The following TNRC6A variants were observed in gnomAD, a reference collection of about 807,000 sequenced individuals.
TNRC6A encodes the protein trinucleotide repeat-containing gene 6A protein.
In TNRC6A, 44 loss-of-function variants were observed where a neutral mutation model predicts 221.2. The ratio of observed to expected loss-of-function variants is 0.20; its 90% CI spans 0.16 to 0.26. The LOEUF is 0.26. Among genes scored for constraint, TNRC6A ranks in the 10% least tolerant of loss-of-function variants. The pLI is 1.00. For missense variants in TNRC6A, 2,199 were observed against 2,404.4 expected (o/e 0.91, Z 1.79); for synonymous variants, 847 against 838.5 (o/e 1.01, Z -0.18).
At chr16:24,768,721 TC>T (rs1477420871) in intron 4 of TNRC6A, among the ~76,000 whole-genome samples, 3 of 152,356 alleles carry the variant, frequency 2.0e-5, no homozygotes, top group East Asian at 3.9e-4. Context: ...AACTTAGCAC[TC>T]CAGTCTCTTA....
intron 2 of TNRC6A, among the ~76,000 whole-genome samples, chr16:24,700,585 C>T (rs972770395): frequency 6.6e-6 from 1 of 151,988 alleles, no homozygotes; most frequent in Non-Finnish European, 1.5e-5. Flanking sequence ...AGGGGGTTCC[C>T]TCACACTCTT....
chr16:24,769,585 C>G (rs2057547558), intron 4 of TNRC6A, among the ~76,000 whole-genome samples: 1 of 151,222 alleles, frequency 6.6e-6, no homozygotes, highest in Admixed American at 6.6e-5. Context: ...AGGGCAGTCT[C>G]AGGGCTAATT....
chr16:24,776,002 G>A (rs755448288), intron 4 of TNRC6A, among the ~76,000 whole-genome samples: 3 of 152,134 alleles, frequency 2.0e-5, no homozygotes, highest in Non-Finnish European at 4.4e-5. Flanking sequence ...TTTAACCTTA[G>A]GATAGCTCTG....
rs377201148 is a variant in TNRC6A, at chr16:24,790,304, C to T, written c.1662C>T (p.Gly554=). 88 of 1,614,128 alleles carry T rather than the reference C, an allele frequency of 5.5e-5. No homozygotes were observed. Among genetic ancestry groups the T allele is most frequent in the East Asian group, 4.7e-4 (21 of 44,884 alleles). Residue 554 remains glycine (G), a synonymous_variant, in exon 6 of 25, where the codon GGC becomes GGT. Transcript: ENST00000395799. ...DTVNATLMQP[G]VNGPMGTNFQ... is the part of the protein sequence containing the mutation. ...TGAATGCAACTCTAATGCAGCCTGG[C>T]GTAAATGGTCCTATGGGCACTAACT...
At chr16:24,764,680 T>C (rs919991708) in intron 4 of TNRC6A, among the ~76,000 whole-genome samples, 3 of 152,174 alleles carry the variant, frequency 2.0e-5, no homozygotes, top group Admixed American at 2.0e-4. Flanking sequence ...TTGGCCATTG[T>C]GAATAATGCT....
At chr16:24,719,594 G>C (rs1027824822) in intron 2 of TNRC6A, among the ~76,000 whole-genome samples, 3 of 152,070 alleles carry the variant, frequency 2.0e-5, no homozygotes, top group African/African-American at 7.2e-5. Flanking sequence ...GGGAGGCAGA[G>C]GTTGCAGTGA....
intron 4 of TNRC6A, among the ~76,000 whole-genome samples, chr16:24,759,736 T>A (rs1488877277): frequency 6.6e-6 from 1 of 152,132 alleles, no homozygotes; most frequent in Non-Finnish European, 1.5e-5. Flanking sequence ...CATGAGGGTT[T>A]GAACTGAGGT....
chr16:24,614,851 A>G (rs1456437711), intron 1 of TNRC6A, among the ~76,000 whole-genome samples: 1 of 152,134 alleles, frequency 6.6e-6, no homozygotes, highest in African/African-American at 2.4e-5. Flanking sequence ...AGGTGGATCA[A>G]CTGAGGTCAG....
At chr16:24,791,882 C>T (rs536366546) in intron 6 of TNRC6A, 65 bp downstream of exon 6, 1 of 1,424,302 alleles carries the variant, frequency 7.0e-7, no homozygotes, top group Admixed American at 3.2e-5. Context: ...ATTTGTATAA[C>T]AAAGTACTTG....
chr16:24,696,565 T>C (rs1179178060), intron 2 of TNRC6A, among the ~76,000 whole-genome samples: 1 of 150,002 alleles, frequency 6.7e-6, no homozygotes, highest in Non-Finnish European at 1.5e-5. Context: ...ACTCTGTGTC[T>C]ACAAAAATTT....
intron 2 of TNRC6A, among the ~76,000 whole-genome samples, chr16:24,723,891 C>A (rs2056452257): frequency 6.6e-6 from 1 of 152,154 alleles, no homozygotes; most frequent in Non-Finnish European, 1.5e-5. Context: ...TGTGAGTAAT[C>A]AATTCATCAC....
intron 2 of TNRC6A, among the ~76,000 whole-genome samples, chr16:24,744,338 A>G (rs914026696): frequency 1.3e-5 from 2 of 152,066 alleles, no homozygotes; most frequent in Admixed American, 6.6e-5. Context: ...TAATAACACT[A>G]TTGTTGGGAG....
intron 2 of TNRC6A, among the ~76,000 whole-genome samples, chr16:24,673,451 AG>A (rs1299488741): frequency 6.6e-6 from 1 of 152,230 alleles, no homozygotes; most frequent in African/African-American, 2.4e-5. Flanking sequence ...CCACTTTGCA[AG>A]GGGCCATGTC....
At chr16:24,801,964 G>C (rs1456079640) in intron 11 of TNRC6A, among the ~76,000 whole-genome samples, 1 of 139,968 alleles carries the variant, frequency 7.1e-6, no homozygotes, top group Non-Finnish European at 1.6e-5. Context: ...AACAGGGAGA[G>C]AGAACAGAGG....
At chr16:24,728,220 G>A (rs1442748913), upstream of TNRC6A, among the ~76,000 whole-genome samples, 1 of 152,092 alleles carries the variant, frequency 6.6e-6, no homozygotes, top group Admixed American at 6.5e-5. Flanking sequence ...AGGCCGAGGG[G>A]GGCGATCACC....
At chr16:24,667,718 T>C (rs1438187400) in intron 2 of TNRC6A, among the ~76,000 whole-genome samples, 4 of 152,202 alleles carry the variant, frequency 2.6e-5, no homozygotes, top group Non-Finnish European at 5.9e-5. Flanking sequence ...ATAGCTATTA[T>C]TGTTGTCATA....
chr16:24,800,652 G>A (rs182037913), intron 11 of TNRC6A, among the ~76,000 whole-genome samples: 21 of 152,344 alleles, frequency 1.4e-4, no homozygotes, highest in African/African-American at 4.6e-4. Flanking sequence ...TTGCTATGAT[G>A]TCGTGCTGGT....
chr16:24,758,913 A>G (rs1437396281), intron 4 of TNRC6A, among the ~76,000 whole-genome samples: 1 of 152,102 alleles, frequency 6.6e-6, no homozygotes, highest in Non-Finnish European at 1.5e-5. Context: ...GAAACAGGAC[A>G]CTAATTCCTC....
intron 2 of TNRC6A, among the ~76,000 whole-genome samples, chr16:24,679,406 C>T (rs944574516): frequency 1.4e-4 from 22 of 152,176 alleles, no homozygotes; most frequent in Middle Eastern, 3.4e-3. Flanking sequence ...AGGGCTCAAG[C>T]GATCTTCCCA....
Sources: gnomAD v4.1 joint callset for allele counts (sites outside exome capture counted in the v4.1 genomes callset) on GRCh38, gnomAD v4.1.1 for gene constraint, MANE v1.5 for transcripts, NCBI Gene and HGNC (gene_info 2026-07-23, HGNC 2026-07-21) for gene names.